The following CCBE1 variants were observed in gnomAD, a reference collection of about 807,000 sequenced individuals.
CCBE1 encodes collagen and calcium binding EGF domains 1.
In CCBE1, 37 loss-of-function variants were observed where a neutral mutation model predicts 50.0. The observed-to-expected ratio is 0.74, with a 90% CI of 0.57 to 0.97. The LOEUF (loss-of-function observed/expected upper bound fraction) is 0.97, where lower values mean the gene tolerates loss of function less well. Ranked by LOEUF, CCBE1 falls within the 50% of genes least tolerant of loss-of-function variation. The pLI is 0.00. For synonymous variants in CCBE1, 234 were observed against 203.7 expected (o/e 1.15, Z -1.27); for missense variants, 538 against 523.8 (o/e 1.03, Z -0.26).
At chr18:59,474,733 T>C (rs551978694) in intron 3 of CCBE1, among the ~76,000 whole-genome samples, 4 of 152,230 alleles carry the variant, frequency 2.6e-5, no homozygotes, top group South Asian at 2.1e-4. Context: ...GATCCAGGAG[T>C]CTGACTTCTT....
At chr18:59,476,991 G>A (rs1457338743) in intron 3 of CCBE1, among the ~76,000 whole-genome samples, 1 of 152,192 alleles carries the variant, frequency 6.6e-6, no homozygotes, top group Non-Finnish European at 1.5e-5. Context: ...ATAACTTTAT[G>A]TTATATTGGC....
chr18:59,674,428 A>T (rs942748283), intron 2 of CCBE1, among the ~76,000 whole-genome samples: 6 of 152,090 alleles, frequency 3.9e-5, no homozygotes, highest in Non-Finnish European at 8.8e-5. Context: ...ATGAGAACAC[A>T]TGGATACAGG....
chr18:59,680,822 G>C (rs2054579829), intron 2 of CCBE1, among the ~76,000 whole-genome samples: 1 of 152,064 alleles, frequency 6.6e-6, no homozygotes, highest in Admixed American at 6.6e-5. Flanking sequence ...CCTTCCAAAG[G>C]AGCGTAGGTT....
intron 7 of CCBE1, among the ~76,000 whole-genome samples, chr18:59,441,065 G>A (rs1910398184): frequency 6.6e-6 from 1 of 152,214 alleles, no homozygotes; most frequent in African/African-American, 2.4e-5. Context: ...CCAAAACCCA[G>A]CTCAGTTATT....
chr18:59,689,960 C>T (rs1429576), intron 2 of CCBE1, among the ~76,000 whole-genome samples: 127,802 of 152,022 alleles, frequency 0.84, 54,299 homozygotes, highest in Admixed American at 0.92. Context: ...GCTGGGCTAC[C>T]GGCAATTAAG....
At chr18:59,655,196 C>T (rs1346046271) in intron 2 of CCBE1, among the ~76,000 whole-genome samples, 1 of 151,886 alleles carries the variant, frequency 6.6e-6, no homozygotes, top group Non-Finnish European at 1.5e-5. Context: ...GAGGGCTTGA[C>T]TATGAGGGCC....
chr18:59,610,455 C>T (rs1190749766), intron 2 of CCBE1, among the ~76,000 whole-genome samples: 1 of 151,078 alleles, frequency 6.6e-6, no homozygotes, highest in East Asian at 1.9e-4. Flanking sequence ...CAACATACCA[C>T]TAGAACAGAA....
chr18:59,483,223 T>G (rs4940880), intron 2 of CCBE1, among the ~76,000 whole-genome samples: 47,613 of 151,388 alleles, frequency 0.31, 7,979 homozygotes, highest in African/African-American at 0.42. Context: ...GTACACTTTA[T>G]TTTTTATTAA....
chr18:59,630,132 G>C (rs1280963983), intron 2 of CCBE1, among the ~76,000 whole-genome samples: 2 of 152,198 alleles, frequency 1.3e-5, no homozygotes, highest in African/African-American at 2.4e-5. Context: ...ACCATGTGCG[G>C]CAAAGCTGTG....
At chr18:59,685,022 TACTC>T (rs1339559447) in intron 2 of CCBE1, among the ~76,000 whole-genome samples, 1 of 152,198 alleles carries the variant, frequency 6.6e-6, no homozygotes, top group African/African-American at 2.4e-5. Context: ...ATGTGTTTGA[TACTC>T]ACAAGGAAAG....
At chr18:59,642,948 C>CAAAAAAAAAAAAAAAA (rs10683687) in intron 2 of CCBE1, among the ~76,000 whole-genome samples, 1 of 94,200 alleles carries the variant, frequency 1.1e-5, no homozygotes, top group African/African-American at 4.1e-5. Context: ...GACTCCACCT[C>CAAAAAAAAAAAAAAAA]AAAAAAAAAA....
intron 4 of CCBE1, among the ~76,000 whole-genome samples, chr18:59,468,115 C>T (rs940977931): frequency 5.3e-5 from 8 of 152,296 alleles, no homozygotes; most frequent in South Asian, 2.1e-4. Flanking sequence ...GGGCTGGGTG[C>T]GGTGGCTCAT....
In CCBE1 at chr18:59,693,123, A is replaced by G. The variant is rs975331337; in HGVS notation, c.212+3506T>C. Among the ~76,000 whole-genome samples, 9 of 152,216 alleles carry G rather than the reference A, an allele frequency of 5.9e-5. No homozygotes were observed. The East Asian group carries it at 1.3e-3, about 23-fold the overall frequency. ...ATGTGGCCAAGGACTTTGACTGTAC[A>G]TTGTTCTTTTTTTTAAATAATCATT... On this transcript the variant is annotated intron_variant, in intron 2 of 10. Transcript: ENST00000439986.
chr18:59,680,606 G>A (rs963326916), intron 2 of CCBE1, among the ~76,000 whole-genome samples: 1 of 151,880 alleles, frequency 6.6e-6, no homozygotes, highest in African/African-American at 2.4e-5. Context: ...GCTGAGGCAG[G>A]AGAATGGCGT....
intron 2 of CCBE1, among the ~76,000 whole-genome samples, chr18:59,546,531 C>T (rs1172673432): frequency 6.6e-6 from 1 of 152,176 alleles, no homozygotes; most frequent in Non-Finnish European, 1.5e-5. Flanking sequence ...GCAGGAAAGG[C>T]CATATGAAGA....
At chr18:59,506,904 T>C (rs542757493) in intron 2 of CCBE1, among the ~76,000 whole-genome samples, 29 of 152,320 alleles carry the variant, frequency 1.9e-4, no homozygotes, top group African/African-American at 6.7e-4. Flanking sequence ...ATATAGAAGA[T>C]GTTGAAGTCC....
intron 2 of CCBE1, among the ~76,000 whole-genome samples, chr18:59,629,575 G>T (rs2053826551): frequency 6.6e-6 from 1 of 152,200 alleles, no homozygotes; most frequent in Non-Finnish European, 1.5e-5. Flanking sequence ...TGAGTTCCAT[G>T]AATACATGAT....
chr18:59,530,613 G>T (rs1024107348), intron 2 of CCBE1, among the ~76,000 whole-genome samples: 1 of 152,084 alleles, frequency 6.6e-6, no homozygotes, highest in African/African-American at 2.4e-5. Flanking sequence ...CCCTTTATAT[G>T]ATCCCAACTG....
At chr18:59,599,446 T>C (rs1464590894) in intron 2 of CCBE1, among the ~76,000 whole-genome samples, 1 of 152,236 alleles carries the variant, frequency 6.6e-6, no homozygotes, top group Non-Finnish European at 1.5e-5. Flanking sequence ...CTGAATTATA[T>C]GAAGACTAAA....
Sources: gnomAD v4.1 joint callset for allele counts (sites outside exome capture counted in the v4.1 genomes callset) on GRCh38, gnomAD v4.1.1 for gene constraint, MANE v1.5 for transcripts, NCBI Gene and HGNC (gene_info 2026-07-23, HGNC 2026-07-21) for gene names.